KPNA4: variants seen among roughly 807,000 people sequenced by gnomAD.
KPNA4 encodes importin subunit alpha-3.
In KPNA4, 13 loss-of-function variants were observed where a neutral mutation model predicts 71.3. That is an observed-to-expected ratio of 0.18 (90% CI 0.12 to 0.29). The LOEUF (loss-of-function observed/expected upper bound fraction) is 0.29. KPNA4 is among the 10% of genes least tolerant of loss of function. The pLI is 1.00. For synonymous variants in KPNA4, 189 were observed against 195.2 expected, an observed-to-expected ratio of 0.97 and a Z score of 0.26; for missense variants, 334 against 603.2, an observed-to-expected ratio of 0.55 and a Z score of 4.67.
intron 14 of KPNA4, among the ~76,000 whole-genome samples, chr3:160,508,640 T>A (rs1021064038): frequency 6.6e-6 from 1 of 152,032 alleles, no homozygotes; most frequent in Non-Finnish European, 1.5e-5. Context: ...AATTAATTAA[T>A]TAAATATAGA....
At chr3:160,521,597 T>A (rs991282733) in intron 11 of KPNA4, among the ~76,000 whole-genome samples, 182 bp downstream of exon 11, 1 of 152,102 alleles carries the variant, frequency 6.6e-6, no homozygotes, top group African/African-American at 2.4e-5. Flanking sequence ...TGAGACCCCA[T>A]CTTAAAAAAA....
Position 160,501,143 on chromosome 3 carries a change from T to A in KPNA4, c.*961A>T, listed in dbSNP as rs1720870006. 1 of 152,396 alleles carries A rather than the reference T, an allele frequency of 6.6e-6. No individual in the cohort carries two copies. The highest frequency in any genetic ancestry group is 1.5e-5 in the Non-Finnish European group (1 of 68,002). The allele number at this position is 152,396 out of a possible 1,614,324, so 9.4% of individuals were successfully genotyped here. ...TTTTCATGCAAAAATCTACACAAAT[T>A]AGTTTTGATGATATGGAAAGCTTTT... On this transcript the variant is annotated 3_prime_UTR_variant, in exon 17 of 17. Transcript: ENST00000334256.
chr3:160,561,046 C>T (rs1337710496), intron 1 of KPNA4, among the ~76,000 whole-genome samples: 1 of 151,460 alleles, frequency 6.6e-6, no homozygotes, highest in Non-Finnish European at 1.5e-5. Flanking sequence ...AAACTCTTGC[C>T]AACCAAGCAC....
At position 160,500,874 on chromosome 3, in the gene KPNA4, G is replaced by C. The variant is rs543958485; in HGVS notation, c.*1230C>G. ...ATCATTTTCATAGAAAACAAAGTTTGAAAACAAGTAACATTTAAACACAGC... is the reference window on the plus strand; with the variant it reads ...ATCATTTTCATAGAAAACAAAGTTTCAAAACAAGTAACATTTAAACACAGC... On this transcript the variant is annotated 3_prime_UTR_variant, in exon 17 of 17. Transcript: ENST00000334256. The C allele has an allele frequency of 6.6e-6, 1 of 152,660 alleles. No homozygotes were observed. The highest frequency in any genetic ancestry group is 1.9e-4 in the East Asian group (1 of 5,188). The allele number at this position is 152,660 out of a possible 1,614,324, so 9.5% of individuals were successfully genotyped here.
chr3:160,508,346 T>G, intron 14 of KPNA4, 77 bp from the exon 15 acceptor site: 1 of 1,103,242 alleles, frequency 9.1e-7, no homozygotes, highest in East Asian at 2.8e-5. Flanking sequence ...GGAATAATTC[T>G]GATTTTGAAA....
At chr3:160,531,218 T>C (rs1393419292) in intron 6 of KPNA4, among the ~76,000 whole-genome samples, 5 of 152,184 alleles carry the variant, frequency 3.3e-5, no homozygotes, top group African/African-American at 1.2e-4. Context: ...ACCTATCTGG[T>C]CAAACTAGTT....
intron 12 of KPNA4, 49 bp downstream of exon 12, chr3:160,515,403 T>A: frequency 6.8e-7 from 1 of 1,463,452 alleles, no homozygotes; most frequent in Non-Finnish European, 9.3e-7. Flanking sequence ...AAATAGAAAC[T>A]GTTAACATTT....
chr3:160,515,619 T>C (rs773985208), intron 11 of KPNA4, 39 bp from the exon 12 acceptor site: 3 of 203,982 alleles, frequency 1.5e-5, no homozygotes, highest in Admixed American at 7.1e-5. Flanking sequence ...TGTGAAATCC[T>C]TTTTTTTTTT....
At chr3:160,505,142 T>C (rs1348091406) in intron 15 of KPNA4, 90 bp from the exon 16 acceptor site, 2 of 576,396 alleles carry the variant, frequency 3.5e-6, no homozygotes, top group Admixed American at 4.0e-5. Flanking sequence ...ATCCAATTTC[T>C]GAATCGCAAA....
chr3:160,518,252 C>T (rs973995134), intron 11 of KPNA4, among the ~76,000 whole-genome samples: 3 of 151,766 alleles, frequency 2.0e-5, no homozygotes, highest in African/African-American at 2.4e-5. Flanking sequence ...CTCAGCCTCC[C>T]GAGTAGCTGA....
chr3:160,543,293 G>A (rs773304075), intron 1 of KPNA4, among the ~76,000 whole-genome samples: 1 of 152,062 alleles, frequency 6.6e-6, no homozygotes, highest in Non-Finnish European at 1.5e-5. Context: ...TCCTTCACTT[G>A]TAAAGAGAAT....
intron 5 of KPNA4, among the ~76,000 whole-genome samples, chr3:160,531,994 G>C (rs1303627542): frequency 6.6e-6 from 1 of 152,090 alleles, no homozygotes; most frequent in African/African-American, 2.4e-5. Context: ...GTTTCCTCAT[G>C]TTTGCCAGGC....
At chr3:160,564,854 G>T (rs1413122765) in intron 1 of KPNA4, among the ~76,000 whole-genome samples, 1 of 150,736 alleles carries the variant, frequency 6.6e-6, no homozygotes, top group African/African-American at 2.4e-5. Flanking sequence ...CACTGCCGGG[G>T]AAGGGGCCGC....
At chr3:160,532,449 G>C (rs1457169894) in intron 5 of KPNA4, among the ~76,000 whole-genome samples, 1 of 152,176 alleles carries the variant, frequency 6.6e-6, no homozygotes, top group East Asian at 1.9e-4. Flanking sequence ...AGCAACTAAA[G>C]AGAAATGGAA....
At chr3:160,555,442 T>C (rs894550825) in intron 1 of KPNA4, among the ~76,000 whole-genome samples, 5 of 152,208 alleles carry the variant, frequency 3.3e-5, no homozygotes, top group African/African-American at 1.2e-4. Flanking sequence ...AGTAGATGCC[T>C]GAAGCTGCAG....
chr3:160,508,182 C>T lies in KPNA4; in HGVS notation c.1297G>A (p.Asp433Asn). 6.2e-7 allele frequency: 1 copy of T among 1,611,864 alleles called. No individual in the cohort carries two copies. Among genetic ancestry groups the T allele is most frequent in the Non-Finnish European group, 8.5e-7 (1 of 1,178,926 alleles). The change falls in exon 15 of 17, where the codon GAT becomes AAT. Residue 433 changes from aspartate to asparagine, a missense_variant. Asp to Asn is a conservative substitution (Grantham distance 23). Coordinates refer to ENST00000334256, the MANE Select transcript of KPNA4 (RefSeq NM_002268.5). ...KDAQVVQVVL[D>N]GLSNILKMAE... ...ATTTTTAATATATTACTTAGTCCAT[C>T]GAGTACTACTTGCACAACTTGTGCA...
At chr3:160,521,179 AAAAG>A (rs1721342078) in intron 11 of KPNA4, among the ~76,000 whole-genome samples, 1 of 152,354 alleles carries the variant, frequency 6.6e-6, no homozygotes, top group Admixed American at 6.5e-5. Flanking sequence ...GGAAGAAAAA[AAAAG>A]AAGTAGGGAA....
intron 1 of KPNA4, among the ~76,000 whole-genome samples, chr3:160,560,019 T>C (rs1722210414): frequency 6.6e-6 from 1 of 152,128 alleles, no homozygotes; most frequent in South Asian, 2.1e-4. Context: ...TTTCTAGTGT[T>C]TGAAAGTCTA....
At chr3:160,508,008 C>A in intron 15 of KPNA4, 99 bp downstream of exon 15, 1 of 926,330 alleles carries the variant, frequency 1.1e-6, no homozygotes, top group South Asian at 2.0e-5. Flanking sequence ...ACTTGAATAT[C>A]TAAGACAGAA....
Sources: gnomAD v4.1 joint callset for allele counts (sites outside exome capture counted in the v4.1 genomes callset) on GRCh38, gnomAD v4.1.1 for gene constraint, MANE v1.5 for transcripts, NCBI Gene and HGNC (gene_info 2026-07-23, HGNC 2026-07-21) for gene names.